Variants in NEURL4 observed in about 807,000 individuals in gnomAD.
NEURL4 encodes neuralized-like protein 4.
Under a neutral mutation model 148.0 loss-of-function variants are expected in NEURL4, and 45 were observed. The observed-to-expected ratio is 0.30, with a 90% confidence interval of 0.24 to 0.39. The LOEUF is 0.39. Among genes scored for constraint, NEURL4 ranks in the 10% least tolerant of loss-of-function variants. The pLI, the probability that NEURL4 is intolerant of heterozygous loss-of-function variation, is 1.00. For synonymous variants in NEURL4, 854 were observed against 869.0 expected, an observed-to-expected ratio of 0.98 and a Z score of 0.30; for missense variants, 1,776 against 2,144.0, an observed-to-expected ratio of 0.83 and a Z score of 3.39.
Position 7,322,066 on chromosome 17 carries a change from A to C in NEURL4, c.2726-56T>G, listed in dbSNP as rs546491705. The C allele has an allele frequency of 2.1e-3, 3,214 of 1,530,114 alleles. 15 individuals carry two copies. The highest frequency in any genetic ancestry group is 7.5e-3 in the South Asian group (592 of 79,386). 94.8% of individuals were successfully genotyped at this position (1,530,114 alleles called of 1,614,324 possible). ...AGGATTGGGGCAGCGAGCTTCAGGC[A>C]GAACACAGAGCAAAGCTTTCAGATG... On this transcript the variant is annotated intron_variant, in intron 16 of 28. Coordinates refer to ENST00000399464, the MANE Select transcript of NEURL4 (RefSeq NM_032442.3). The surrounding 1 kb of genome is among the most constrained non-coding windows in gnomAD (Gnocchi z 5.5).
Position 7,322,010 on chromosome 17 carries a change from A to C in NEURL4, c.2726T>G (p.Val909Gly). Residue 909 changes from valine to glycine, a missense_variant and splice_region_variant, in exon 17 of 29, where the codon GTG becomes GGG. Val to Gly is a moderately radical substitution (Grantham distance 109, BLOSUM62 -3). Coordinates refer to ENST00000399464, the MANE Select transcript of NEURL4 (RefSeq NM_032442.3). This position sits in a 1 kb window ranked among gnomAD's most constrained non-coding sequence, Gnocchi z 5.5. ...TEKSFPLHSP[V>G]AGVAHRFHST... The stretch of plus-strand genomic sequence containing the variant: ...GTGGAATCGGTGAGCCACGCCAGCC[A>C]CTGTGAAGAGATGGCACCAGTAGAA... 6.2e-7 allele frequency: 1 copy of C among 1,604,124 alleles called. No homozygotes were observed. The highest frequency in any genetic ancestry group is 8.5e-7 in the Non-Finnish European group (1 of 1,175,896).
chr17:7,325,296 T>C lies in NEURL4; in HGVS notation c.1544A>G (p.Gln515Arg), dbSNP rs748274776. Residue 515 changes from glutamine to arginine, a missense_variant, in exon 8 of 29, where the codon CAG becomes CGG. Transcript: ENST00000399464. ...GAAGAGCAGGCGCTCAGGTTCTGCC[T>C]GGGCGGCAGGGGCAGCACGGCGGAG... ...GALRRAAPAA[Q>R]AEPERLLFHP... 2.7e-5 allele frequency: 43 copies of C among 1,610,224 alleles called. No homozygotes were observed. Among genetic ancestry groups the C allele is most frequent in the Non-Finnish European group, 3.6e-5 (42 of 1,178,678 alleles).
Position 7,319,082 on chromosome 17 carries a change from GC to G in NEURL4, c.3651del (p.Arg1218GlyfsTer50). The G allele has an allele frequency of 6.2e-7, 1 of 1,613,726 alleles. No individual in the cohort carries two copies. The highest frequency in any genetic ancestry group is 8.5e-7 in the Non-Finnish European group (1 of 1,179,860). On this transcript the variant is annotated frameshift_variant, in exon 22 of 29. Coordinates refer to ENST00000399464, the MANE Select transcript of NEURL4 (RefSeq NM_032442.3). LOFTEE classifies it high-confidence loss of function. ...ACALKRAAWL[L>X]RGRGVFHNGL... ...CCGTTGTGGAAGACCCCACGGCCCC[GC>G]AGCAGCCAGGCTGCCCGTTTGAGGG...
rs1287742572 is a variant in NEURL4, at chr17:7,317,935, G to A, written c.4061-3C>T. On this transcript the variant is annotated splice_region_variant and splice_polypyrimidine_tract_variant and intron_variant, in intron 25 of 28. Coordinates refer to ENST00000399464, the MANE Select transcript of NEURL4 (RefSeq NM_032442.3). ...TGGCGGAGGCATGAAATAATCTTCT[G>A]CGGGACAGTGAGTAGCAGGCTTGGT... 6.2e-7 allele frequency: 1 copy of A among 1,614,090 alleles called. No individual in the cohort carries two copies. The highest frequency in any genetic ancestry group is 2.2e-5 in the East Asian group (1 of 44,888).
In NEURL4 at chr17:7,316,036, A is replaced by G; in HGVS notation, c.*87T>C. On this transcript the variant is annotated 3_prime_UTR_variant, in exon 29 of 29. Coordinates refer to ENST00000399464, the MANE Select transcript of NEURL4 (RefSeq NM_032442.3). ...AGCTCCAGCACCTGCGCATGCCACG[A>G]GTCACGGGAATGAGGTGGAGGCAGT... 1 of 794,068 alleles carries G rather than the reference A, an allele frequency of 1.3e-6. No homozygotes were observed. Among genetic ancestry groups the G allele is most frequent in the Non-Finnish European group, 2.3e-6 (1 of 440,728 alleles). The allele number at this position is 794,068 out of a possible 1,614,324, so 49.2% of individuals were successfully genotyped here.
chr17:7,317,714 A>G (rs2072969166), intron 26 of NEURL4, 74 bp downstream of exon 26: 6 of 1,593,468 alleles, frequency 3.8e-6, no homozygotes, highest in South Asian at 1.1e-5. Flanking sequence ...TACTTCTTCC[A>G]TGCACCCTCT....
chr17:7,317,957 T>C, intron 25 of NEURL4, 25 bp from the exon 26 acceptor site: 1 of 1,613,880 alleles, frequency 6.2e-7, no homozygotes, highest in Admixed American at 1.7e-5. Flanking sequence ...GTAGCAGGCT[T>C]GGTGCTGTGG....
At chr17:7,320,657 G>T in intron 21 of NEURL4, 102 bp downstream of exon 21, 1 of 1,071,998 alleles carries the variant, frequency 9.3e-7, no homozygotes, top group Non-Finnish European at 1.3e-6. Flanking sequence ...CATCCAAGTG[G>T]CTTGCTTTCT....
In NEURL4 at chr17:7,321,512, C is replaced by T. The variant is rs1161858267; in HGVS notation, c.3099+48G>A. On this transcript the variant is annotated intron_variant, in intron 18 of 28. Coordinates refer to ENST00000399464, the MANE Select transcript of NEURL4 (RefSeq NM_032442.3). This position sits in a 1 kb window ranked among gnomAD's most constrained non-coding sequence, Gnocchi z 6.3. ...CGATGTTCAGCCCACCTCTCCCTGC[C>T]ACCTCCACTCCCAACCCCTCCCCTG... The T allele has an allele frequency of 1.2e-6, 2 of 1,612,680 alleles. No homozygotes were observed. Among genetic ancestry groups the T allele is most frequent in the Non-Finnish European group, 1.7e-6 (2 of 1,178,738 alleles).
chr17:7,320,653 A>T, intron 21 of NEURL4, 106 bp downstream of exon 21: 1 of 1,021,344 alleles, frequency 9.8e-7, no homozygotes. Flanking sequence ...AGCTCATCCA[A>T]GTGGCTTGCT....
At chr17:7,320,679 C>G (rs2073019753) in intron 21 of NEURL4, 80 bp downstream of exon 21, 5 of 1,373,922 alleles carry the variant, frequency 3.6e-6, no homozygotes, top group Non-Finnish European at 5.0e-6. Flanking sequence ...TTTCTCCACA[C>G]AAAAAGGCCT....
In NEURL4 at chr17:7,325,285, C is replaced by G; in HGVS notation, c.1555G>C (p.Glu519Gln). 1 of 1,608,366 alleles carries G rather than the reference C, an allele frequency of 6.2e-7. No homozygotes were observed. The highest frequency in any genetic ancestry group is 8.5e-7 in the Non-Finnish European group (1 of 1,177,926). The stretch of plus-strand genomic sequence containing the variant: ...CAGTTGGGGTGGAAGAGCAGGCGCT[C>G]AGGTTCTGCCTGGGCGGCAGGGGCA... ...RAAPAAQAEP[E>Q]RLLFHPNCGQ... Residue 519 changes from glutamate (E) to glutamine (Q), a missense_variant, in exon 8 of 29, where the codon GAG (glutamate) becomes CAG (glutamine). By Grantham distance (29) the Glu-to-Gln change is conservative. Transcript: ENST00000399464.
Position 7,318,564 on chromosome 17 carries a change from CT to C in NEURL4, c.3794del (p.Gln1265ArgfsTer3), listed in dbSNP as rs2072983237. ...GLHLHVNGVD[Q>X]GVAVPDVPQP... ...GGGGCACATCTGGCACAGCTACCCCCTGGTCCACCCCATTAACATGAAGATG... is the reference window on the plus strand; with the variant it reads ...GGGGCACATCTGGCACAGCTACCCCCGGTCCACCCCATTAACATGAAGATG... On this transcript the variant is annotated frameshift_variant, in exon 23 of 29. Coordinates refer to ENST00000399464, the MANE Select transcript of NEURL4 (RefSeq NM_032442.3). LOFTEE classifies it high-confidence loss of function. The surrounding 1 kb of genome is among the most constrained non-coding windows in gnomAD (Gnocchi z 4.3). The C allele has an allele frequency of 3.1e-6, 5 of 1,613,842 alleles. No individual in the cohort carries two copies. Among genetic ancestry groups the C allele is most frequent in the Non-Finnish European group, 4.2e-6 (5 of 1,179,908 alleles).
rs757921698 is a variant in NEURL4 at position 7,318,477 on chromosome 17, G to A, written c.3864+18C>T. 3 of 1,600,118 alleles carry A rather than the reference G, an allele frequency of 1.9e-6. No homozygotes were observed. Among genetic ancestry groups the A allele is most frequent in the East Asian group, 2.2e-5 (1 of 44,748 alleles). On this transcript the variant is annotated intron_variant, in intron 23 of 28. Transcript: ENST00000399464. The surrounding 1 kb of genome is among the most constrained non-coding windows in gnomAD (Gnocchi z 4.3). ...AGACTCTCAGGCACCCCTCCTCCCT[G>A]CCCCCACTGCCACTAACCTGCTCAC...
rs772502113 is a variant in NEURL4, at chr17:7,324,089, A to T, written c.2062+19T>A. Reference sequence around the variant, plus strand: ...CAAGGCCACCCTAACCCCCAGCCCCAGCCCAGCCCGGCCCTCACCCACGTC... The same window carrying T: ...CAAGGCCACCCTAACCCCCAGCCCCTGCCCAGCCCGGCCCTCACCCACGTC... On this transcript the variant is annotated intron_variant, in intron 11 of 28. Coordinates refer to ENST00000399464, the MANE Select transcript of NEURL4 (RefSeq NM_032442.3). This position sits in a 1 kb window ranked among gnomAD's most constrained non-coding sequence, Gnocchi z 5.9. 28 of 1,611,136 alleles carry T rather than the reference A, an allele frequency of 1.7e-5. 1 individual carries two copies. In the South Asian group the frequency reaches 2.6e-4, roughly 15 times the overall value.
chr17:7,327,777 C>T lies in NEURL4; in HGVS notation c.390G>A (p.Val130=). ...ATGLKGGSWV[V]SGCSVLRDGR... ...CATCTCTCAGCACAGAGCAGCCCGA[C>T]ACTACCCACGAGCCCCCCTTCAGGC... Residue 130 remains valine (V), a synonymous_variant, in exon 2 of 29, where the codon GTG becomes GTA. Transcript: ENST00000399464. The surrounding 1 kb of genome is among the most constrained non-coding windows in gnomAD (Gnocchi z 6.6). 3 of 1,614,086 alleles carry T rather than the reference C, an allele frequency of 1.9e-6. No homozygotes were observed. The highest frequency in any genetic ancestry group is 2.5e-6 in the Non-Finnish European group (3 of 1,180,038).
Position 7,326,824 on chromosome 17 carries a change from G to T in NEURL4, c.979C>A (p.Leu327Ile). The T allele has an allele frequency of 6.2e-7, 1 of 1,613,454 alleles. No homozygotes were observed. Among genetic ancestry groups the T allele is most frequent in the Non-Finnish European group, 8.5e-7 (1 of 1,179,870 alleles). Reference protein sequence around the residue: ...ALLFHEKCGTLIKLSNNNKTA... With the variant: ...ALLFHEKCGTIIKLSNNNKTA... ...TTATTATTGTTGCTGAGTTTGATGA[G>T]GGTCCCGCACTTTTCATGAAAGAGC... Residue 327 changes from leucine to isoleucine, a missense_variant, in exon 4 of 29, where the codon CTC becomes ATC. Physicochemically the swap from Leu to Ile is conservative, Grantham distance 5. Transcript: ENST00000399464. This position sits in a 1 kb window ranked among gnomAD's most constrained non-coding sequence, Gnocchi z 6.0.
At chr17:7,320,640 G>A (rs2073019101) in intron 21 of NEURL4, 119 bp downstream of exon 21, 5 of 861,150 alleles carry the variant, frequency 5.8e-6, no homozygotes, top group Non-Finnish European at 9.0e-6. Context: ...TAAAAGCCTA[G>A]GAAGCTCATC....
chr17:7,321,827 G>C lies in NEURL4; in HGVS notation c.2871+38C>G, dbSNP rs1054605458. The C allele has an allele frequency of 6.2e-7, 1 of 1,611,558 alleles. No individual in the cohort carries two copies. The highest frequency in any genetic ancestry group is 1.3e-5 in the African/African-American group (1 of 74,872). On this transcript the variant is annotated intron_variant, in intron 17 of 28. Coordinates refer to ENST00000399464, the MANE Select transcript of NEURL4 (RefSeq NM_032442.3). The surrounding 1 kb of genome is among the most constrained non-coding windows in gnomAD (Gnocchi z 6.3). ...AAACATAAGCTGGCCCTGTCGTGAT[G>C]GGCCTCGCAGCCCCTCTGTCACATC...
Sources: allele counts gnomAD v4.1 joint callset, GRCh38; gene constraint gnomAD v4.1.1; non-coding constraint Gnocchi (gnomAD v3.1); transcripts MANE v1.5; gene names NCBI Gene and HGNC (gene_info 2026-07-23, HGNC 2026-07-21).